TMEM165: variants seen among roughly 807,000 people sequenced by gnomAD.
The protein encoded by TMEM165 is putative divalent cation/proton antiporter TMEM165.
A neutral mutation model predicts 30.0 loss-of-function variants in TMEM165; 19 were observed. The ratio of observed to expected loss-of-function variants is 0.63; its 90% CI spans 0.44 to 0.93. The LOEUF (loss-of-function observed/expected upper bound fraction) is 0.93, where lower values mean the gene tolerates loss of function less well. Ranked by LOEUF, TMEM165 falls within the 40% of genes least tolerant of loss-of-function variation. TMEM165 has a pLI of 0.00. For synonymous variants in TMEM165, 168 were observed against 162.9 expected, an observed-to-expected ratio of 1.03 and a Z score of -0.24; for missense variants, 340 against 417.0, an observed-to-expected ratio of 0.82 and a Z score of 1.61.
In TMEM165 at chr4:55,396,021, C is replaced by T. The variant is rs367643890; in HGVS notation, c.-169C>T. 3.5e-4 allele frequency: 161 copies of T among 461,240 alleles called. No homozygotes were observed. The highest frequency in any genetic ancestry group is 3.0e-3 in the African/African-American group (144 of 48,432). The allele number at this position is 461,240 out of a possible 1,614,324, so 28.6% of individuals were successfully genotyped here. A position where few individuals can be genotyped will look rare whatever the true frequency, so the allele number is the denominator to read the frequency against. ...GCCGGGGCTGCGGACTTCGGCCTGC[C>T]CCTCACCTCACTCCCGCTGCTTGCA... On this transcript the variant is annotated 5_prime_UTR_variant, in exon 1 of 6. Coordinates refer to ENST00000381334, the MANE Select transcript of TMEM165 (RefSeq NM_018475.5).
At chr4:55,426,837 G>A (rs554864970), downstream of TMEM165, among the ~76,000 whole-genome samples, 45 of 152,154 alleles carry the variant, frequency 3.0e-4, 1 homozygote, top group South Asian at 1.9e-3. Context: ...GAGATCTTAA[G>A]AGGAGTTTTC....
At chr4:55,448,051 A>C (rs1724028592) in intron 3 of TMEM165, among the ~76,000 whole-genome samples, 2 of 152,202 alleles carry the variant, frequency 1.3e-5, no homozygotes, top group African/African-American at 4.8e-5. Context: ...AGGCCAAGAA[A>C]CAATTCTCCT....
chr4:55,449,648 TGTA>T, intron 3 of TMEM165: 1 of 675,002 alleles, frequency 1.5e-6, no homozygotes, highest in East Asian at 2.7e-5. Context: ...GATGATTCAA[TGTA>T]GTTACTTCTA....
At position 55,403,086 on chromosome 4, in the gene TMEM165, G is replaced by A. The variant is rs1409168622; in HGVS notation, c.207+6690G>A. On this transcript the variant is annotated intron_variant, in intron 1 of 5. Coordinates refer to ENST00000381334, the MANE Select transcript of TMEM165 (RefSeq NM_018475.5). ...ATTACAGGCATGAGCCACCACACCC[G>A]GCCCCTAAAAAAAGCTTTTTTGACT... The A allele has an allele frequency of 3.3e-5, 11 of 334,606 alleles. 1 individual carries two copies. Among genetic ancestry groups the A allele is most frequent in the Middle Eastern group, 1.0e-3 (1 of 974 alleles). 20.7% of individuals were successfully genotyped at this position (334,606 alleles called of 1,614,324 possible).
Position 55,438,205 on chromosome 4 carries a change from A to G in TMEM165, c.408+13562A>G, listed in dbSNP as rs111244134. The stretch of plus-strand genomic sequence containing the variant: ...TTGTGAATTTTTCACATCACTCACA[A>G]ATCTGTTCACTTAATGCTTAATTTC... On this transcript the variant is annotated intron_variant, in intron 3 of 3. Transcript: ENST00000608091. The G allele has an allele frequency of 2.6e-6, 4 of 1,527,326 alleles. No homozygotes were observed. In the African/African-American group the frequency reaches 4.1e-5, roughly 16 times the overall value. 94.6% of individuals were successfully genotyped at this position (1,527,326 alleles called of 1,614,324 possible).
chr4:55,410,740 G>GT (rs1377502964), intron 1 of TMEM165, among the ~76,000 whole-genome samples: 2 of 152,148 alleles, frequency 1.3e-5, no homozygotes, highest in African/African-American at 4.8e-5. Context: ...TCGTTCAAAT[G>GT]TTTTTTAAAC....
At chr4:55,400,300 TTA>T (rs1376114403) in intron 1 of TMEM165, among the ~76,000 whole-genome samples, 14 of 106,000 alleles carry the variant, frequency 1.3e-4, no homozygotes, top group Non-Finnish European at 2.1e-4. Flanking sequence ...ATATATAATA[TTA>T]TATATAATAT....
At chr4:55,443,696 T>G (rs768280039) in intron 3 of TMEM165, 1 of 1,613,692 alleles carries the variant, frequency 6.2e-7, no homozygotes, top group African/African-American at 1.3e-5. Flanking sequence ...CCTGAGTTGA[T>G]GTACTCTGTA....
Position 55,417,955 on chromosome 4 carries a change from A to G in TMEM165, c.762A>G (p.Gln254=). The G allele has an allele frequency of 6.2e-7, 1 of 1,612,276 alleles. No individual in the cohort carries two copies. Among genetic ancestry groups the G allele is most frequent in the Non-Finnish European group, 8.5e-7 (1 of 1,179,556 alleles). ...TFLAEWGDRS[Q]LTTIVLAARE... ...TAGCAGAATGGGGTGATCGCTCTCA[A>G]CTAACTACAATTGTATTGGCAGCTA... Residue 254 remains glutamine (Q), a synonymous_variant, in exon 4 of 6, where the codon CAA becomes CAG. Coordinates refer to ENST00000381334, the MANE Select transcript of TMEM165 (RefSeq NM_018475.5).
intron 1 of TMEM165, among the ~76,000 whole-genome samples, chr4:55,399,925 C>G (rs1372179597): frequency 6.7e-6 from 1 of 149,616 alleles, no homozygotes; most frequent in Admixed American, 6.7e-5. Flanking sequence ...TTCATATATT[C>G]TTGGTGATTC....
Position 55,442,991 on chromosome 4 carries a change from T to G in TMEM165, c.409-9248T>G, listed in dbSNP as rs1191911289. Among the ~76,000 whole-genome samples the G allele has an allele frequency of 1.7e-4, 26 of 152,294 alleles. 1 individual carries two copies. On this transcript the variant is annotated intron_variant, in intron 3 of 3. Coordinates refer to the TMEM165 transcript ENST00000608091. ...GGGATTTACAGTCACAGATCTACAG[T>G]AATTACCAACATTTTCTGGAATATT...
intron 3 of TMEM165, 94 bp from the exon 4 acceptor site, chr4:55,417,709 C>T (rs1338160613): frequency 9.5e-7 from 1 of 1,048,562 alleles, no homozygotes. Flanking sequence ...GAGCATATTT[C>T]ATAGAATTTA....
Position 55,396,376 on chromosome 4 carries a change from C to T in TMEM165, c.187C>T (p.Pro63Ser). 1 of 1,495,070 alleles carries T rather than the reference C, an allele frequency of 6.7e-7. No homozygotes were observed. Among genetic ancestry groups the T allele is most frequent in the Non-Finnish European group, 8.9e-7 (1 of 1,127,768 alleles). 92.6% of individuals were successfully genotyped at this position (1,495,070 alleles called of 1,614,324 possible). ...LQPQPVAVQG[P>S]EPARVEKIFT... ...GCCGCAGCCTGTGGCTGTGCAGGGC[C>T]CCGAGCCGGCCCGGGTCGAGGTGAG... Residue 63 changes from proline to serine, a missense_variant, in exon 1 of 6, where the codon CCC becomes TCC. Around this residue, in one of 2 missense-constraint regions of TMEM165, gnomAD observed 120 missense variants for 109.4 expected, o/e 1.10. Coordinates refer to ENST00000381334, the MANE Select transcript of TMEM165 (RefSeq NM_018475.5).
intron 3 of TMEM165, among the ~76,000 whole-genome samples, chr4:55,452,000 A>T (rs1724501398): frequency 6.6e-6 from 1 of 152,168 alleles, no homozygotes; most frequent in African/African-American, 2.4e-5. Flanking sequence ...CAAGTTTTAT[A>T]TAGATTTTTG....
Position 55,440,033 on chromosome 4 carries a change from TA to T in TMEM165, c.409-12197del, listed in dbSNP as rs914564363. 7.9e-5 allele frequency among the ~76,000 whole-genome samples: 12 copies of T among 151,230 alleles called. No individual in the cohort carries two copies. In the South Asian group the frequency reaches 1.0e-3, roughly 13 times the overall value. Reference sequence around the variant, plus strand: ...CACAATAAAAATTTTTTTTAATCTATAAAAAAAAACCTTTTTCTTTTTATAA... The same window carrying T: ...CACAATAAAAATTTTTTTTAATCTATAAAAAAAACCTTTTTCTTTTTATAA... On this transcript the variant is annotated intron_variant, in intron 3 of 3. Transcript: ENST00000608091.
chr4:55,414,775 T>TC (rs1721658144), intron 2 of TMEM165, among the ~76,000 whole-genome samples: 1 of 152,230 alleles, frequency 6.6e-6, no homozygotes, highest in African/African-American at 2.4e-5. Context: ...TTACAGTGTA[T>TC]CCCTCCTCCC....
intron 2 of TMEM165, among the ~76,000 whole-genome samples, chr4:55,414,543 C>T (rs752875104): frequency 3.3e-5 from 5 of 152,048 alleles, no homozygotes; most frequent in African/African-American, 4.8e-5. Flanking sequence ...CTCATCAACC[C>T]GTCATCTAGG....
chr4:55,439,002 G>A (rs1205677259), intron 3 of TMEM165, among the ~76,000 whole-genome samples: 2 of 152,178 alleles, frequency 1.3e-5, no homozygotes, highest in African/African-American at 4.8e-5. Context: ...CAGATAAACA[G>A]ATAAACTGGA....
At chr4:55,451,489 T>C (rs12500601) in intron 3 of TMEM165, among the ~76,000 whole-genome samples, 5,814 of 151,978 alleles carry the variant, frequency 0.038, 138 homozygotes, top group Non-Finnish European at 0.061. Flanking sequence ...TCAAAATTCA[T>C]GATTTTGAAA....
Sources: allele counts gnomAD v4.1 joint callset (sites outside exome capture counted in the v4.1 genomes callset), GRCh38; gene constraint gnomAD v4.1.1; regional missense constraint gnomAD v4.1.1; transcripts MANE v1.5; gene names NCBI Gene and HGNC (gene_info 2026-07-23, HGNC 2026-07-21).